Variants in CNTNAP2 observed in about 807,000 individuals in gnomAD.
CNTNAP2 encodes the protein contactin-associated protein-like 2.
Under a neutral mutation model 155.2 loss-of-function variants are expected in CNTNAP2, and 98 were observed. That is an observed-to-expected ratio of 0.63 (90% CI 0.54 to 0.75). The LOEUF (loss-of-function observed/expected upper bound fraction) is 0.75, where lower values mean the gene tolerates loss of function less well. Among genes scored for constraint, CNTNAP2 ranks in the 30% least tolerant of loss-of-function variants. The pLI is 0.00. For synonymous variants in CNTNAP2, 651 were observed against 631.2 expected (o/e 1.03, Z -0.47); for missense variants, 1,727 against 1,688.1 (o/e 1.02, Z -0.40).
At chr7:146,582,282 T>C (rs1584992276) in intron 1 of CNTNAP2, among the ~76,000 whole-genome samples, 1 of 152,162 alleles carries the variant, frequency 6.6e-6, no homozygotes, top group East Asian at 1.9e-4. Context: ...GAATCACACA[T>C]TTATCTCTTT....
chr7:148,113,195 T>C (rs1804394343), intron 15 of CNTNAP2, among the ~76,000 whole-genome samples: 1 of 152,152 alleles, frequency 6.6e-6, no homozygotes, highest in African/African-American at 2.4e-5. Flanking sequence ...CCGCAGGCTG[T>C]ACAGGAAGCA....
intron 13 of CNTNAP2, among the ~76,000 whole-genome samples, chr7:147,877,090 T>C (rs1009220804): frequency 4.6e-5 from 7 of 152,122 alleles, no homozygotes; most frequent in African/African-American, 1.4e-4. Context: ...AGTTTTTCGG[T>C]TATTTTTGTG....
rs560756645 is a variant in CNTNAP2, at chr7:146,547,503, C to A, written c.98-226768C>A. 1.6e-4 allele frequency among the ~76,000 whole-genome samples: 25 copies of A among 152,036 alleles called. 1 individual carries two copies. The highest frequency in any genetic ancestry group is 2.1e-4 in the South Asian group (1 of 4,816). On this transcript the variant is annotated intron_variant, in intron 1 of 23. Transcript: ENST00000361727. ...ATTTATAACTTACCATCCCTCTTCCCTCAGCTCCTGGAAACCACCATTATG... is the reference window on the plus strand; with the variant it reads ...ATTTATAACTTACCATCCCTCTTCCATCAGCTCCTGGAAACCACCATTATG...
chr7:147,015,946 T>C (rs1798716031), intron 3 of CNTNAP2, among the ~76,000 whole-genome samples: 1 of 152,122 alleles, frequency 6.6e-6, no homozygotes, highest in South Asian at 2.1e-4. Context: ...AACTGTCACT[T>C]CTGTCAAGTA....
intron 1 of CNTNAP2, among the ~76,000 whole-genome samples, chr7:146,523,954 C>A (rs2129137847): frequency 6.6e-6 from 1 of 152,084 alleles, no homozygotes; most frequent in South Asian, 2.1e-4. Context: ...ATTCAAGTTG[C>A]TGATAAAAAC....
chr7:146,242,319 C>CAA (rs1799575364), intron 1 of CNTNAP2, among the ~76,000 whole-genome samples: 1 of 152,114 alleles, frequency 6.6e-6, no homozygotes, highest in African/African-American at 2.4e-5. Context: ...GCGGGCTGAT[C>CAA]AAGAGGTCAG....
chr7:146,999,788 G>A (rs547278095), intron 3 of CNTNAP2, among the ~76,000 whole-genome samples: 72 of 151,894 alleles, frequency 4.7e-4, no homozygotes, highest in African/African-American at 1.3e-3. Context: ...TTGCTTCTTC[G>A]CTCCTGCTGC....
rs528404865 is a variant in CNTNAP2 at position 147,112,849 on chromosome 7, G to A, written c.754+4499G>A. Among the ~76,000 whole-genome samples the A allele has an allele frequency of 1.1e-4, 16 of 151,738 alleles. No individual in the cohort carries two copies. The East Asian group carries it at 3.1e-3, about 29-fold the overall frequency. On this transcript the variant is annotated intron_variant, in intron 5 of 23. Transcript: ENST00000361727. ...AAGTTTTGTTGTTGTTGTTGTTGTT[G>A]TTGTTGTTGTATATCCACCAGGTTT...
intron 3 of CNTNAP2, among the ~76,000 whole-genome samples, chr7:146,905,750 C>A (rs1377717462): frequency 6.6e-6 from 1 of 152,140 alleles, no homozygotes; most frequent in Non-Finnish European, 1.5e-5. Context: ...AAACCTATAA[C>A]AATTTTTAAC....
intron 13 of CNTNAP2, among the ~76,000 whole-genome samples, chr7:147,697,953 C>T (rs1364532101): frequency 1.3e-5 from 2 of 152,124 alleles, no homozygotes; most frequent in African/African-American, 4.8e-5. Flanking sequence ...GACTGAGTGC[C>T]CTGGAGTTTT....
chr7:147,141,705 G>T (rs1217126491), intron 8 of CNTNAP2, among the ~76,000 whole-genome samples: 2 of 152,060 alleles, frequency 1.3e-5, no homozygotes, highest in Non-Finnish European at 2.9e-5. Context: ...GGTGTTACAT[G>T]ATCACACAGG....
intron 13 of CNTNAP2, among the ~76,000 whole-genome samples, chr7:147,765,888 A>T (rs1797375158): frequency 6.6e-6 from 1 of 152,232 alleles, no homozygotes; most frequent in South Asian, 2.1e-4. Context: ...ACCCAGCCAA[A>T]AAAGGGAGGA....
Position 148,395,119 on chromosome 7 carries a change from A to ACC in CNTNAP2, c.3715+11240_3715+11241dup, listed in dbSNP as rs139844217. Among the ~76,000 whole-genome samples, 957 of 120,628 alleles carry ACC rather than the reference A, an allele frequency of 7.9e-3. 7 individuals carry two copies. Among genetic ancestry groups the ACC allele is most frequent in the African/African-American group, 0.027 (880 of 32,792 alleles). The allele number at this position is 120,628 out of a possible 152,430, so 79.1% of individuals were successfully genotyped here. ...TTTTTTATATTGAATGTTTCTGTTG[A>ACC]CCCCCCCCCCTTATTGATTAGATTA... On this transcript the variant is annotated intron_variant, in intron 22 of 23. Coordinates refer to ENST00000361727, the MANE Select transcript of CNTNAP2 (RefSeq NM_014141.6).
At chr7:146,263,383 C>T (rs1799949531) in intron 1 of CNTNAP2, among the ~76,000 whole-genome samples, 1 of 152,128 alleles carries the variant, frequency 6.6e-6, no homozygotes, top group South Asian at 2.1e-4. Flanking sequence ...CTCCCTTACT[C>T]TTAAGCGTAG....
At chr7:147,893,337 G>GA (rs1005750603) in intron 13 of CNTNAP2, among the ~76,000 whole-genome samples, 5 of 152,056 alleles carry the variant, frequency 3.3e-5, no homozygotes, top group Admixed American at 2.6e-4. Flanking sequence ...GTATTATTCA[G>GA]AAAAAAATAA....
chr7:146,489,716 A>G (rs1398524697), intron 1 of CNTNAP2, among the ~76,000 whole-genome samples: 1 of 152,104 alleles, frequency 6.6e-6, no homozygotes, highest in Non-Finnish European at 1.5e-5. Flanking sequence ...TATGCTGACA[A>G]TTCGAAGGGT....
chr7:147,951,024 CT>C (rs1246131240), intron 14 of CNTNAP2, among the ~76,000 whole-genome samples: 16 of 152,228 alleles, frequency 1.1e-4, no homozygotes, highest in African/African-American at 3.6e-4. Flanking sequence ...CTAACTGCTT[CT>C]TTGGGTCTTC....
intron 9 of CNTNAP2, among the ~76,000 whole-genome samples, chr7:147,336,102 C>G (rs1022758584): frequency 3.0e-4 from 46 of 152,100 alleles, no homozygotes; most frequent in African/African-American, 1.0e-3. Flanking sequence ...GGACAAAATT[C>G]AGTTTATCTT....
chr7:146,998,663 T>G (rs1030056811), intron 3 of CNTNAP2, among the ~76,000 whole-genome samples: 1 of 152,174 alleles, frequency 6.6e-6, no homozygotes, highest in African/African-American at 2.4e-5. Context: ...TATTTCAGCC[T>G]ATCGCTTCCA....
Sources: allele counts gnomAD v4.1 joint callset (sites outside exome capture counted in the v4.1 genomes callset), GRCh38; gene constraint gnomAD v4.1.1; transcripts MANE v1.5; gene names NCBI Gene and HGNC (gene_info 2026-07-23, HGNC 2026-07-21).